RANBP3: variants seen among roughly 807,000 people sequenced by gnomAD.
The protein encoded by RANBP3 is RAN binding protein 3, also known as ran-binding protein 3.
In RANBP3, 14 loss-of-function variants were observed where a neutral mutation model predicts 77.3. The observed-to-expected ratio is 0.18, with a 90% CI of 0.12 to 0.28. RANBP3 has a LOEUF of 0.28. Ranked by LOEUF, RANBP3 falls within the 10% of genes least tolerant of loss-of-function variation. The probability of loss-of-function intolerance (pLI) is 1.00; values close to 1 mark genes in which losing one functional copy is unlikely to be tolerated. For synonymous variants in RANBP3, 315 were observed against 312.4 expected (o/e 1.01, Z -0.09); for missense variants, 586 against 752.3 (o/e 0.78, Z 2.59).
At chr19:5,944,925 C>G (rs1290101972) in intron 3 of RANBP3, among the ~76,000 whole-genome samples, 2 of 152,222 alleles carry the variant, frequency 1.3e-5, no homozygotes, top group Non-Finnish European at 2.9e-5. Flanking sequence ...CTGTCCCTTC[C>G]TAAATGACTT....
Position 5,938,016 on chromosome 19 carries a change from G to C in RANBP3, c.406+3605C>G, listed in dbSNP as rs940266519. ...TAACCAACATCGTGCCCTTCCTGAG[G>C]ACCCTGAAACACCAAGCCCCTCTGC... On this transcript the variant is annotated intron_variant, in intron 5 of 16. Coordinates refer to ENST00000340578, the MANE Select transcript of RANBP3 (RefSeq NM_007322.3). Among the ~76,000 whole-genome samples the C allele has an allele frequency of 4.6e-5, 7 of 152,112 alleles. 1 individual carries two copies. Among genetic ancestry groups the C allele is most frequent in the African/African-American group, 1.7e-4 (7 of 41,414 alleles).
chr19:5,955,037 A>C (rs929685198), intron 2 of RANBP3, among the ~76,000 whole-genome samples: 1 of 152,198 alleles, frequency 6.6e-6, no homozygotes, highest in African/African-American at 2.4e-5. Context: ...CCCAACTCCC[A>C]AGGCTGGAGG....
chr19:5,918,972 T>A (rs1394917376), intron 14 of RANBP3, among the ~76,000 whole-genome samples: 1 of 152,216 alleles, frequency 6.6e-6, no homozygotes, highest in Non-Finnish European at 1.5e-5. Flanking sequence ...AGGATGGCAG[T>A]TCCCTTGGAG....
At chr19:5,962,234 G>C (rs2058412849) in intron 1 of RANBP3, among the ~76,000 whole-genome samples, 1 of 152,140 alleles carries the variant, frequency 6.6e-6, no homozygotes, top group African/African-American at 2.4e-5. Context: ...CCCTCATTCT[G>C]TGCAGGGCGC....
intron 1 of RANBP3, among the ~76,000 whole-genome samples, chr19:5,960,720 G>A (rs981575878): frequency 2.0e-5 from 3 of 152,358 alleles, no homozygotes; most frequent in South Asian, 2.1e-4. Flanking sequence ...GTTGAGAACC[G>A]TGTCGGTGGA....
intron 1 of RANBP3, among the ~76,000 whole-genome samples, chr19:5,969,661 C>T (rs1002144762): frequency 2.0e-5 from 3 of 152,248 alleles, no homozygotes; most frequent in African/African-American, 7.2e-5. Context: ...AACTCCTAGA[C>T]TCCATGGCTG....
chr19:5,924,960 A>T lies in RANBP3; in HGVS notation c.918-55T>A. ...GCGTCACGTGGGAACGTGGCCAGGC[A>T]AATGTATGGGTACCCATGGAGCACA... is the stretch of plus-strand genomic sequence containing the variant. On this transcript the variant is annotated intron_variant, in intron 10 of 16. Transcript: ENST00000340578. This position sits in a 1 kb window ranked among gnomAD's most constrained non-coding sequence, Gnocchi z 4.7. The T allele has an allele frequency of 6.7e-7, 1 of 1,489,696 alleles. No homozygotes were observed. Among genetic ancestry groups the T allele is most frequent in the South Asian group, 1.1e-5 (1 of 88,568 alleles). The allele number at this position is 1,489,696 out of a possible 1,614,324, so 92.3% of individuals were successfully genotyped here. A position where few individuals can be genotyped will look rare whatever the true frequency, so the allele number is the denominator to read the frequency against.
Position 5,976,905 on chromosome 19 carries a change from C to G in RANBP3, c.22+1156G>C, listed in dbSNP as rs924467685. Among the ~76,000 whole-genome samples the G allele has an allele frequency of 2.6e-5, 4 of 152,180 alleles. No individual in the cohort carries two copies. The East Asian group carries it at 7.7e-4, about 29-fold the overall frequency. ...AGCCAGGCCATCTTGGTTCACATCC[C>G]TGCTCCTTCCCAGCTGTGTGACACG... is the stretch of plus-strand genomic sequence containing the variant. On this transcript the variant is annotated intron_variant, in intron 1 of 16. Coordinates refer to ENST00000340578, the MANE Select transcript of RANBP3 (RefSeq NM_007322.3).
chr19:5,932,778 C>A, intron 6 of RANBP3: 1 of 542,836 alleles, frequency 1.8e-6, no homozygotes, highest in Non-Finnish European at 3.3e-6. Flanking sequence ...TGAATTAATC[C>A]AGTTAGCACA....
intron 3 of RANBP3, among the ~76,000 whole-genome samples, chr19:5,942,082 G>T (rs913352496): frequency 6.6e-6 from 1 of 152,102 alleles, no homozygotes; most frequent in South Asian, 2.1e-4. Flanking sequence ...GCAGCACCCA[G>T]ATCAGTTTCT....
chr19:5,949,569 A>AT (rs1278961240), intron 3 of RANBP3, among the ~76,000 whole-genome samples: 1 of 152,198 alleles, frequency 6.6e-6, no homozygotes, highest in Non-Finnish European at 1.5e-5. Flanking sequence ...CCAGAGCTAC[A>AT]TTGGAACATT....
chr19:5,948,086 A>C (rs1478740719), intron 3 of RANBP3, among the ~76,000 whole-genome samples: 4 of 152,224 alleles, frequency 2.6e-5, no homozygotes, highest in African/African-American at 9.6e-5. Context: ...AACAAGGAAG[A>C]AGCAGGAAGG....
Position 5,917,770 on chromosome 19 carries a change from C to CA in RANBP3, c.1660+23dup, listed in dbSNP as rs2057761099. 58 of 1,596,716 alleles carry CA rather than the reference C, an allele frequency of 3.6e-5. No individual in the cohort carries two copies. The East Asian group carries it at 1.3e-3, about 36-fold the overall frequency. On this transcript the variant is annotated intron_variant, in intron 16 of 16. Transcript: ENST00000340578. ...GGCGGGCAGCTCTTTCTATCCCCCCCAGGGTAGGGACCACCCGACTCACCA... is the reference window on the plus strand; with the variant it reads ...GGCGGGCAGCTCTTTCTATCCCCCCCAAGGGTAGGGACCACCCGACTCACCA...
chr19:5,921,037 C>T lies in RANBP3; in HGVS notation c.1330+164G>A, dbSNP rs1052120954. On this transcript the variant is annotated intron_variant, in intron 14 of 16. Transcript: ENST00000340578. The surrounding 1 kb of genome is among the most constrained non-coding windows in gnomAD (Gnocchi z 5.3). Reference sequence around the variant, plus strand: ...TGAGGGTGGTGTTGAGGGCTGGGTGCAGGGAGGGGGTTTGGGGGGCGGCTC... The same window carrying T: ...TGAGGGTGGTGTTGAGGGCTGGGTGTAGGGAGGGGGTTTGGGGGGCGGCTC... 3.9e-6 allele frequency: 3 copies of T among 762,498 alleles called. No homozygotes were observed. Among genetic ancestry groups the T allele is most frequent in the Non-Finnish European group, 5.8e-6 (3 of 514,732 alleles). 47.2% of individuals were successfully genotyped at this position (762,498 alleles called of 1,614,324 possible). A position where few individuals can be genotyped will look rare whatever the true frequency, so the allele number is the denominator to read the frequency against.
At chr19:5,957,633 A>T (rs1414807979) in intron 2 of RANBP3, among the ~76,000 whole-genome samples, 1 of 149,128 alleles carries the variant, frequency 6.7e-6, no homozygotes, top group East Asian at 2.0e-4. Flanking sequence ...GGCATTTCTC[A>T]AACAAATCAT....
Position 5,941,725 on chromosome 19 carries a change from A to G in RANBP3, c.320-18T>C. The G allele has an allele frequency of 6.2e-7, 1 of 1,613,084 alleles. No homozygotes were observed. The highest frequency in any genetic ancestry group is 8.5e-7 in the Non-Finnish European group (1 of 1,179,586). On this transcript the variant is annotated intron_variant, in intron 4 of 16. Transcript: ENST00000340578. The stretch of plus-strand genomic sequence containing the variant: ...GTCAGAATCTACAGAAAATGATGAG[A>G]AGAGGAGGAGAAAAATCAGGTTGCT...
intron 3 of RANBP3, among the ~76,000 whole-genome samples, chr19:5,943,425 G>A (rs1306115906): frequency 6.6e-6 from 1 of 152,184 alleles, no homozygotes. Context: ...GGTACTGCTG[G>A]CTTTGTGGGC....
rs1218854106 is a variant in RANBP3, at chr19:5,916,709, G to T, written c.*901C>A. 2.0e-5 allele frequency: 3 copies of T among 152,598 alleles called. No individual in the cohort carries two copies. Among genetic ancestry groups the T allele is most frequent in the Non-Finnish European group, 4.4e-5 (3 of 68,352 alleles). The allele number at this position is 152,598 out of a possible 1,614,324, so 9.5% of individuals were successfully genotyped here. A position where few individuals can be genotyped will look rare whatever the true frequency, so the allele number is the denominator to read the frequency against. Reference sequence around the variant, plus strand: ...GATGGCCAACAGCGGGAAGCAGTTTGCGCCTGGTGCCTGATGATGGTGAAC... The same window carrying T: ...GATGGCCAACAGCGGGAAGCAGTTTTCGCCTGGTGCCTGATGATGGTGAAC... On this transcript the variant is annotated 3_prime_UTR_variant, in exon 17 of 17. Coordinates refer to ENST00000340578, the MANE Select transcript of RANBP3 (RefSeq NM_007322.3).
intron 3 of RANBP3, among the ~76,000 whole-genome samples, chr19:5,947,744 C>T (rs969218239): frequency 6.6e-6 from 1 of 152,138 alleles, no homozygotes; most frequent in African/African-American, 2.4e-5. Flanking sequence ...CACGTCCCTG[C>T]CGGCGGGGTG....
Sources: gnomAD v4.1 joint callset for allele counts (sites outside exome capture counted in the v4.1 genomes callset) on GRCh38, gnomAD v4.1.1 for gene constraint, Gnocchi (gnomAD v3.1) non-coding constraint, MANE v1.5 for transcripts, NCBI Gene and HGNC (gene_info 2026-07-23, HGNC 2026-07-21) for gene names.